Variants in PTPRR observed in about 807,000 individuals in gnomAD.
The protein encoded by PTPRR is receptor-type tyrosine-protein phosphatase R.
In PTPRR, 38 loss-of-function variants were observed where a neutral mutation model predicts 77.2. The ratio of observed to expected loss-of-function variants is 0.49; its 90% CI spans 0.38 to 0.65. The LOEUF (loss-of-function observed/expected upper bound fraction) is 0.65, where lower values mean the gene tolerates loss of function less well. Ranked by LOEUF, PTPRR falls within the 30% of genes least tolerant of loss-of-function variation. The pLI, the probability that PTPRR is intolerant of heterozygous loss-of-function variation, is 0.00. For missense variants in PTPRR, 744 were observed against 799.2 expected, an observed-to-expected ratio of 0.93 and a Z score of 0.83; for synonymous variants, 299 against 283.1, an observed-to-expected ratio of 1.06 and a Z score of -0.57.
chr12:70,815,043 G>T (rs1455666530), intron 2 of PTPRR, among the ~76,000 whole-genome samples: 4 of 149,884 alleles, frequency 2.7e-5, no homozygotes, highest in African/African-American at 7.4e-5. Flanking sequence ...AGAATTTGTA[G>T]ATAAGGGCAT....
intron 6 of PTPRR, among the ~76,000 whole-genome samples, chr12:70,732,453 G>A (rs900388291): frequency 1.3e-5 from 2 of 152,214 alleles, no homozygotes; most frequent in African/African-American, 4.8e-5. Flanking sequence ...CATGCAGGGA[G>A]CACAGCTCCA....
intron 8 of PTPRR, among the ~76,000 whole-genome samples, chr12:70,690,127 A>C (rs1888006241): frequency 6.6e-6 from 1 of 152,080 alleles, no homozygotes; most frequent in South Asian, 2.1e-4. Context: ...CAAAGGTAAT[A>C]CCCTAGGGAT....
chr12:70,754,062 C>T (rs1890489464), intron 5 of PTPRR, 129 bp downstream of exon 5: 1 of 885,388 alleles, frequency 1.1e-6, no homozygotes, highest in Non-Finnish European at 1.7e-6. Flanking sequence ...TGAAATATTC[C>T]TAATCTAGCA....
intron 2 of PTPRR, among the ~76,000 whole-genome samples, chr12:70,833,039 G>A (rs2137052161): frequency 6.6e-6 from 1 of 152,244 alleles, no homozygotes; most frequent in South Asian, 2.1e-4. Flanking sequence ...ACCATGGGCA[G>A]GGCACCAAGC....
intron 2 of PTPRR, among the ~76,000 whole-genome samples, chr12:70,864,202 C>T (rs1456427196): frequency 6.6e-6 from 1 of 152,152 alleles, no homozygotes. Flanking sequence ...TCCCTAATCC[C>T]TAGCATGACC....
chr12:70,875,293 G>A (rs1893031894), intron 2 of PTPRR, among the ~76,000 whole-genome samples: 1 of 152,192 alleles, frequency 6.6e-6, no homozygotes, highest in African/African-American at 2.4e-5. Context: ...ATGGATATGT[G>A]TAGGTATAAA....
intron 13 of PTPRR, among the ~76,000 whole-genome samples, chr12:70,651,633 C>T (rs1333163743): frequency 6.6e-6 from 1 of 152,118 alleles, no homozygotes; most frequent in Non-Finnish European, 1.5e-5. Flanking sequence ...TGGAGTTTTG[C>T]TATGTTGCCC....
In PTPRR at chr12:70,656,796, C is replaced by T; in HGVS notation, c.1788G>A (p.Gly596=). 6.2e-7 allele frequency: 1 copy of T among 1,612,346 alleles called. No individual in the cohort carries two copies. The highest frequency in any genetic ancestry group is 1.3e-5 in the African/African-American group (1 of 74,960). The stretch of plus-strand genomic sequence containing the variant: ...AGCCAATGGATGTAGCAATAAAACA[C>T]CCTGTTCTACCTATTCCTGCACTGA... ...VHCSAGIGRT[G]CFIATSIGCQ... Residue 596 remains glycine, a synonymous_variant, in exon 13 of 14, where the codon GGG becomes GGA. Coordinates refer to ENST00000283228, the MANE Select transcript of PTPRR (RefSeq NM_002849.4).
intron 6 of PTPRR, among the ~76,000 whole-genome samples, chr12:70,733,479 A>AAAAAAAAAAAAAAAAAAAAAAAAAATTT: frequency 1.1e-5 from 1 of 89,416 alleles, no homozygotes; most frequent in Non-Finnish European, 2.1e-5. Context: ...GCAAAAAAAA[A>AAAAAAAAAAAAAAAAAAAAAAAAAATTT]AAGAAAAAAA....
chr12:70,718,467 A>G (rs1592701914), intron 6 of PTPRR, among the ~76,000 whole-genome samples: 1 of 152,258 alleles, frequency 6.6e-6, no homozygotes, highest in Non-Finnish European at 1.5e-5. Flanking sequence ...GGGTTTCACC[A>G]TGATGGCTGG....
intron 2 of PTPRR, among the ~76,000 whole-genome samples, chr12:70,854,364 G>C: frequency 6.6e-6 from 1 of 152,160 alleles, no homozygotes; most frequent in Non-Finnish European, 1.5e-5. Flanking sequence ...ACCACAACGA[G>C]ACACACTGCA....
At chr12:70,767,849 G>T (rs1890866915) in intron 2 of PTPRR, among the ~76,000 whole-genome samples, 1 of 152,158 alleles carries the variant, frequency 6.6e-6, no homozygotes, top group South Asian at 2.1e-4. Flanking sequence ...TAGAACTCAG[G>T]ATTAAGAAAC....
At chr12:70,735,732 C>G (rs913217512) in intron 6 of PTPRR, among the ~76,000 whole-genome samples, 6 of 152,160 alleles carry the variant, frequency 3.9e-5, no homozygotes, top group Non-Finnish European at 5.9e-5. Flanking sequence ...GAGCATATTA[C>G]TTATCTCTCT....
At position 70,816,715 on chromosome 12, in the gene PTPRR, A is replaced by G. The variant is rs1216942727; in HGVS notation, c.358-51937T>C. On this transcript the variant is annotated intron_variant, in intron 2 of 13. Coordinates refer to ENST00000283228, the MANE Select transcript of PTPRR (RefSeq NM_002849.4). ...AGACAAGTTATCTTTAAGCATTATT[A>G]GAAACAGAATCTTTTTTTAATAGAA... Among the ~76,000 whole-genome samples the G allele has an allele frequency of 4.6e-5, 7 of 152,188 alleles. No homozygotes were observed. The South Asian group carries it at 1.4e-3, about 31-fold the overall frequency.
At chr12:70,757,932 TATCA>T (rs1333777568) in intron 4 of PTPRR, among the ~76,000 whole-genome samples, 3 of 152,188 alleles carry the variant, frequency 2.0e-5, no homozygotes, top group African/African-American at 7.2e-5. Context: ...TTTAAGCAAC[TATCA>T]ATCAATATTT....
At chr12:70,876,241 T>C (rs1893050342) in intron 2 of PTPRR, among the ~76,000 whole-genome samples, 1 of 152,092 alleles carries the variant, frequency 6.6e-6, no homozygotes, top group Non-Finnish European at 1.5e-5. Flanking sequence ...AGGAAACATG[T>C]AGTATATATA....
chr12:70,868,192 C>T (rs1274050518), intron 2 of PTPRR, among the ~76,000 whole-genome samples: 3 of 152,044 alleles, frequency 2.0e-5, no homozygotes, highest in African/African-American at 4.8e-5. Context: ...CAAATGGGAT[C>T]TAATTAAACT....
intron 4 of PTPRR, among the ~76,000 whole-genome samples, chr12:70,755,659 T>A (rs553557337): frequency 1.3e-5 from 2 of 152,308 alleles, no homozygotes; most frequent in African/African-American, 4.8e-5. Flanking sequence ...GTATCTGGCC[T>A]ACTTTCTAAG....
At chr12:70,910,478 A>C (rs1343247501) in intron 1 of PTPRR, among the ~76,000 whole-genome samples, 1 of 152,174 alleles carries the variant, frequency 6.6e-6, no homozygotes, top group Non-Finnish European at 1.5e-5. Flanking sequence ...GGATTTAGGA[A>C]ATACTCATTT....
Sources: allele counts gnomAD v4.1 joint callset (sites outside exome capture counted in the v4.1 genomes callset), GRCh38; gene constraint gnomAD v4.1.1; transcripts MANE v1.5; gene names NCBI Gene and HGNC (gene_info 2026-07-23, HGNC 2026-07-21).